KCNAB1: variants seen among roughly 807,000 people sequenced by gnomAD.
KCNAB1 encodes potassium voltage-gated channel subfamily A regulatory beta subunit 1, also known as voltage-gated potassium channel subunit beta-1.
Under a neutral mutation model 64.6 loss-of-function variants are expected in KCNAB1, and 35 were observed. That is an observed-to-expected ratio of 0.54 (90% CI 0.41 to 0.72). The LOEUF (loss-of-function observed/expected upper bound fraction) is 0.72, where lower values mean the gene tolerates loss of function less well. KCNAB1 is among the 30% of genes least tolerant of loss of function. The pLI, the probability that KCNAB1 is intolerant of heterozygous loss-of-function variation, is 0.00. For synonymous variants in KCNAB1, 177 were observed against 183.8 expected (o/e 0.96, Z 0.30); for missense variants, 401 against 512.9 (o/e 0.78, Z 2.11).
At chr3:156,161,007 C>T (rs1399228380) in intron 1 of KCNAB1, among the ~76,000 whole-genome samples, 1 of 152,202 alleles carries the variant, frequency 6.6e-6, no homozygotes, top group African/African-American at 2.4e-5. Context: ...TATTCTCATT[C>T]ACATGAAAGG....
intron 2 of KCNAB1, among the ~76,000 whole-genome samples, chr3:156,439,222 T>C (rs1381063260): frequency 8.7e-6 from 1 of 115,418 alleles, no homozygotes; most frequent in Non-Finnish European, 1.7e-5. Flanking sequence ...TGCATCATTG[T>C]GATTTTTTTT....
chr3:156,119,395 A>C (rs1444215050), upstream of KCNAB1, among the ~76,000 whole-genome samples: 1 of 152,208 alleles, frequency 6.6e-6, no homozygotes, highest in African/African-American at 2.4e-5. Context: ...AGGCCTTATG[A>C]CAGCCTATTG....
intron 1 of KCNAB1, among the ~76,000 whole-genome samples, chr3:156,377,591 A>G (rs1353266655): frequency 6.6e-6 from 1 of 152,160 alleles, no homozygotes; most frequent in Non-Finnish European, 1.5e-5. Flanking sequence ...CGAGCTCTGC[A>G]GTCACTTCAC....
At chr3:156,479,013 T>C (rs1200975973) in intron 8 of KCNAB1, among the ~76,000 whole-genome samples, 1 of 152,158 alleles carries the variant, frequency 6.6e-6, no homozygotes, top group Non-Finnish European at 1.5e-5. Flanking sequence ...TTCCTGACAA[T>C]GGAGGGGAGC....
Position 156,137,490 on chromosome 3 carries a change from A to G in KCNAB1, c.275+16604A>G, listed in dbSNP as rs185836360. Among the ~76,000 whole-genome samples, 314 of 152,220 alleles carry G rather than the reference A, an allele frequency of 2.1e-3. 1 individual carries two copies. The highest frequency in any genetic ancestry group is 7.0e-3 in the African/African-American group (290 of 41,534). On this transcript the variant is annotated intron_variant, in intron 1 of 13. Coordinates refer to ENST00000490337, the MANE Select transcript of KCNAB1 (RefSeq NM_172160.3). ...CAGGAGATGTGAGGGATTGCCTAGA[A>G]AAACACCAATGAATGACAGAGACAT...
intron 1 of KCNAB1, among the ~76,000 whole-genome samples, chr3:156,188,882 A>G (rs920525251): frequency 2.6e-5 from 4 of 152,178 alleles, no homozygotes; most frequent in African/African-American, 9.7e-5. Context: ...TTAGACAGAT[A>G]GTTGTGATCA....
Position 156,222,054 on chromosome 3 carries a change from G to T in KCNAB1, c.275+101168G>T, listed in dbSNP as rs193064827. 4.4e-3 allele frequency among the ~76,000 whole-genome samples: 668 copies of T among 152,258 alleles called. 1 individual carries two copies. The highest frequency in any genetic ancestry group is 0.01 in the Middle Eastern group (3 of 294). ...GTATTCAGGCAACAAAAAGCATGAT[G>T]AATAGAATAGTACCTCACATTTCAA... On this transcript the variant is annotated intron_variant, in intron 1 of 13. Transcript: ENST00000490337.
At chr3:156,366,852 A>G (rs1045929383) in intron 1 of KCNAB1, among the ~76,000 whole-genome samples, 4 of 152,242 alleles carry the variant, frequency 2.6e-5, no homozygotes, top group Non-Finnish European at 5.9e-5. Context: ...TATAGGTTAC[A>G]TATGTCTTAT....
At chr3:156,429,929 T>C (rs1366867700) in intron 2 of KCNAB1, among the ~76,000 whole-genome samples, 1 of 152,218 alleles carries the variant, frequency 6.6e-6, no homozygotes, top group Non-Finnish European at 1.5e-5. Flanking sequence ...AAGAGTGTTT[T>C]AGGCATGTCA....
intron 1 of KCNAB1, among the ~76,000 whole-genome samples, chr3:156,333,864 T>C (rs1723507311): frequency 1.3e-5 from 2 of 152,218 alleles, no homozygotes; most frequent in Non-Finnish European, 2.9e-5. Flanking sequence ...ATATTTAAAA[T>C]TCACTTTTTT....
At chr3:156,477,473 CT>C (rs1167964485) in intron 8 of KCNAB1, among the ~76,000 whole-genome samples, 1 of 152,132 alleles carries the variant, frequency 6.6e-6, no homozygotes, top group African/African-American at 2.4e-5. Context: ...CCTGCTCCCC[CT>C]CACTAGGAAG....
intron 1 of KCNAB1, among the ~76,000 whole-genome samples, chr3:156,198,723 C>A (rs540692583): frequency 1.1e-5 from 1 of 87,478 alleles, no homozygotes; most frequent in Non-Finnish European, 2.3e-5. Context: ...CTCCTGAATA[C>A]GGCACACCAA....
At chr3:156,122,154 T>C (rs1577605089) in intron 1 of KCNAB1, among the ~76,000 whole-genome samples, 1 of 147,242 alleles carries the variant, frequency 6.8e-6, no homozygotes, top group Non-Finnish European at 1.5e-5. Flanking sequence ...TGGGCCCACA[T>C]TTGGGGTACA....
chr3:156,171,187 G>GCACACGCACA (rs1711958879), intron 1 of KCNAB1, among the ~76,000 whole-genome samples: 1 of 142,738 alleles, frequency 7.0e-6, no homozygotes, highest in Admixed American at 7.0e-5. Flanking sequence ...GAAACTTCAC[G>GCACACGCACA]CACACATACA....
chr3:156,521,444 G>A (rs1717933616), intron 11 of KCNAB1, among the ~76,000 whole-genome samples: 1 of 152,154 alleles, frequency 6.6e-6, no homozygotes, highest in Non-Finnish European at 1.5e-5. Flanking sequence ...TATTGGTTGA[G>A]CCCCTCCTCC....
chr3:156,408,174 A>G lies in KCNAB1; in HGVS notation c.276-13442A>G, dbSNP rs1255051156. On this transcript the variant is annotated intron_variant, in intron 1 of 13. Transcript: ENST00000490337. ...TTTTTCTCCTTCTCTAGGCCTCCAA[A>G]AATGGCCGAACTCAGCAGGGACCCT... 2.6e-5 allele frequency among the ~76,000 whole-genome samples: 4 copies of G among 152,146 alleles called. No homozygotes were observed. In the East Asian group the frequency reaches 7.7e-4, roughly 29 times the overall value.
At chr3:156,352,083 G>A (rs28623610) in intron 1 of KCNAB1, among the ~76,000 whole-genome samples, 44 of 152,190 alleles carry the variant, frequency 2.9e-4, no homozygotes, top group African/African-American at 8.9e-4. Context: ...GCTCAAGCCC[G>A]CTGTGAGGCT....
chr3:156,379,234 T>C (rs7622423), intron 1 of KCNAB1, among the ~76,000 whole-genome samples: 44,609 of 152,136 alleles, frequency 0.29, 8,977 homozygotes, highest in African/African-American at 0.58. Context: ...GGCCCTATTA[T>C]GTCTGCAAGC....
At chr3:156,225,418 C>T (rs189176052) in intron 1 of KCNAB1, among the ~76,000 whole-genome samples, 56 of 152,208 alleles carry the variant, frequency 3.7e-4, no homozygotes, top group African/African-American at 1.2e-3. Flanking sequence ...AAGGGACAAA[C>T]GTTAAGGTAA....
Sources: allele counts gnomAD v4.1 joint callset (sites outside exome capture counted in the v4.1 genomes callset), GRCh38; gene constraint gnomAD v4.1.1; transcripts MANE v1.5; gene names NCBI Gene and HGNC (gene_info 2026-07-23, HGNC 2026-07-21).